Variants in PDE4D observed in about 807,000 individuals in gnomAD.
The protein encoded by PDE4D is 3',5'-cyclic-AMP phosphodiesterase 4D.
PDE4D carries 24 observed loss-of-function variants against 87.4 expected under a neutral mutation model. The observed-to-expected ratio is 0.27, with a 90% CI of 0.20 to 0.39. The LOEUF is 0.39. Ranked by LOEUF, PDE4D falls within the 10% of genes least tolerant of loss-of-function variation. The pLI, the probability that PDE4D is intolerant of heterozygous loss-of-function variation, is 1.00. For missense variants in PDE4D, 714 were observed against 1,041.0 expected (o/e 0.69, Z 4.32); for synonymous variants, 384 against 383.2 (o/e 1.00, Z -0.02).
At chr5:59,776,123 C>A (rs1205670464) in intron 1 of PDE4D, among the ~76,000 whole-genome samples, 1 of 152,004 alleles carries the variant, frequency 6.6e-6, no homozygotes, top group Non-Finnish European at 1.5e-5. Context: ...TTTTTTCATA[C>A]CTAACTATAA....
chr5:59,914,571 C>CGT (rs35285881), intron 3 of PDE4D, among the ~76,000 whole-genome samples: 3,158 of 130,696 alleles, frequency 0.024, 63 homozygotes, highest in African/African-American at 0.057. Flanking sequence ...TGTGCATGTG[C>CGT]GTGTGTGTGT....
chr5:60,488,493 G>C (rs1157232552), upstream of PDE4D: 1 of 151,398 alleles, frequency 6.6e-6, no homozygotes, highest in East Asian at 1.9e-4. Flanking sequence ...TAAAGTCGCT[G>C]AGGCAACTAG....
chr5:59,350,092 T>C (rs904598006), intron 1 of PDE4D, among the ~76,000 whole-genome samples: 4 of 152,180 alleles, frequency 2.6e-5, no homozygotes, highest in Admixed American at 2.0e-4. Context: ...AAAACCCTAT[T>C]GTAGCTGTTG....
At chr5:59,199,217 T>C (rs1185604126) in intron 2 of PDE4D, among the ~76,000 whole-genome samples, 1 of 151,938 alleles carries the variant, frequency 6.6e-6, no homozygotes, top group African/African-American at 2.4e-5. Context: ...ACTAGCACTG[T>C]GAAGGAGTCA....
At position 59,604,632 on chromosome 5, in the gene PDE4D, G is replaced by C. The variant is rs574431409; in HGVS notation, c.455+288536C>G. Among the ~76,000 whole-genome samples the C allele has an allele frequency of 2.0e-5, 3 of 152,034 alleles. 1 individual carries two copies. The highest frequency in any genetic ancestry group is 4.1e-4 in the South Asian group (2 of 4,824). ...ATGGATGCAAATAACCATCACAGAA[G>C]GGGAACTATAAATAGTCAAAAGCCA... On this transcript the variant is annotated intron_variant, in intron 1 of 14. Transcript: ENST00000340635.
At chr5:60,084,537 T>C (rs1217186968) in intron 2 of PDE4D, among the ~76,000 whole-genome samples, 1 of 151,938 alleles carries the variant, frequency 6.6e-6, no homozygotes, top group African/African-American at 2.4e-5. Context: ...CCTCCAAAAT[T>C]TACATACAAT....
chr5:59,994,252 G>A (rs10805518), intron 2 of PDE4D, among the ~76,000 whole-genome samples: 94,912 of 151,236 alleles, frequency 0.63, 32,165 homozygotes, highest in East Asian at 0.82. Context: ...ATATAGAGAG[G>A]GGGGAGAAAT....
chr5:58,978,617 A>T (rs2153312219), intron 11 of PDE4D, among the ~76,000 whole-genome samples: 1 of 152,304 alleles, frequency 6.6e-6, no homozygotes, highest in African/African-American at 2.4e-5. Context: ...AGACATTTTC[A>T]ACTGAGAAAT....
At chr5:59,661,469 A>G (rs987002401) in intron 1 of PDE4D, among the ~76,000 whole-genome samples, 4 of 152,184 alleles carry the variant, frequency 2.6e-5, no homozygotes, top group South Asian at 2.1e-4. Flanking sequence ...CATTTTGTCT[A>G]CTTACAAAGT....
intron 3 of PDE4D, among the ~76,000 whole-genome samples, chr5:59,948,309 G>A (rs1277303868): frequency 1.3e-5 from 2 of 152,076 alleles, no homozygotes; most frequent in East Asian, 3.9e-4. Context: ...AAATTATAAT[G>A]GAATTCTTTG....
chr5:59,782,281 A>G (rs537459119), intron 1 of PDE4D, among the ~76,000 whole-genome samples: 15 of 152,290 alleles, frequency 9.8e-5, no homozygotes, highest in Admixed American at 3.9e-4. Flanking sequence ...AGTTCTTTAT[A>G]GTTTCTAGAT....
intron 2 of PDE4D, among the ~76,000 whole-genome samples, chr5:60,091,361 G>T (rs192064125): frequency 6.6e-6 from 1 of 152,012 alleles, no homozygotes; most frequent in African/African-American, 2.4e-5. Flanking sequence ...CATACAAATG[G>T]CTAATGAGTG....
chr5:60,226,548 T>A (rs1358495371), intron 1 of PDE4D, among the ~76,000 whole-genome samples: 4 of 152,132 alleles, frequency 2.6e-5, no homozygotes, highest in Admixed American at 2.6e-4. Context: ...AGACATTTAA[T>A]TTTTTATTTG....
chr5:59,301,302 G>C (rs1196568867), intron 1 of PDE4D, among the ~76,000 whole-genome samples: 2 of 152,126 alleles, frequency 1.3e-5, no homozygotes, highest in Admixed American at 6.5e-5. Flanking sequence ...AGGGCTGTGG[G>C]AGTTATGAGC....
chr5:60,048,410 G>A (rs1769601263), intron 2 of PDE4D, among the ~76,000 whole-genome samples: 4 of 151,850 alleles, frequency 2.6e-5, no homozygotes, highest in South Asian at 2.1e-4. Context: ...CTGTCATTAC[G>A]ATGTTAGCTG....
At chr5:59,981,307 G>A (rs6881702) in intron 3 of PDE4D, among the ~76,000 whole-genome samples, 110,232 of 152,054 alleles carry the variant, frequency 0.72, 40,194 homozygotes, top group East Asian at 0.97. Flanking sequence ...CAAAGTTTAA[G>A]GCAAAGACAG....
At chr5:59,466,242 T>A (rs540255628) in intron 1 of PDE4D, among the ~76,000 whole-genome samples, 2 of 152,338 alleles carry the variant, frequency 1.3e-5, no homozygotes, top group East Asian at 1.9e-4. Flanking sequence ...GAATTAAGTA[T>A]GACTTCAGAA....
chr5:59,631,480 C>T (rs756102355), intron 1 of PDE4D, among the ~76,000 whole-genome samples: 25 of 149,982 alleles, frequency 1.7e-4, no homozygotes, highest in Non-Finnish European at 2.7e-4. Context: ...GAAACAGCTC[C>T]GGCCTGCAGC....
At chr5:60,330,602 C>T (rs1480504919) in intron 1 of PDE4D, among the ~76,000 whole-genome samples, 2 of 152,152 alleles carry the variant, frequency 1.3e-5, no homozygotes, top group African/African-American at 4.8e-5. Context: ...ACAAGCAGGG[C>T]CGCACCAACA....
Sources: gnomAD v4.1 joint callset for allele counts (sites outside exome capture counted in the v4.1 genomes callset) on GRCh38, gnomAD v4.1.1 for gene constraint, MANE v1.5 for transcripts, NCBI Gene and HGNC (gene_info 2026-07-23, HGNC 2026-07-21) for gene names.